Variants in GOSR1 observed in about 807,000 individuals in gnomAD.
GOSR1 encodes the protein 28 kDa Golgi SNARE protein.
Under a neutral mutation model 35.5 loss-of-function variants are expected in GOSR1, and 21 were observed. The observed-to-expected ratio is 0.59, with a 90% CI of 0.42 to 0.85. GOSR1 has a LOEUF of 0.85. Ranked by LOEUF, GOSR1 falls within the 40% of genes least tolerant of loss-of-function variation. The pLI is 0.00. For missense variants in GOSR1, 285 were observed against 309.6 expected (o/e 0.92, Z 0.60); for synonymous variants, 94 against 106.6 (o/e 0.88, Z 0.73).
intron 6 of GOSR1, 66 bp downstream of exon 6, chr17:30,492,819 C>A: frequency 1.1e-6 from 1 of 930,912 alleles, no homozygotes; most frequent in Non-Finnish European, 1.8e-6. Flanking sequence ...CTTATGTAAC[C>A]AACATTTTAT....
intron 7 of GOSR1, among the ~76,000 whole-genome samples, chr17:30,518,560 C>G (rs1179507393): frequency 1.3e-5 from 2 of 152,182 alleles, no homozygotes; most frequent in Non-Finnish European, 2.9e-5. Context: ...GATACTGACC[C>G]TGCCCTCTAG....
chr17:30,490,610 A>G (rs1458387076), intron 5 of GOSR1, among the ~76,000 whole-genome samples: 1 of 152,044 alleles, frequency 6.6e-6, no homozygotes, highest in African/African-American at 2.4e-5. Flanking sequence ...GAAGCTCCCT[A>G]TGTTTCTCTT....
intron 8 of GOSR1, among the ~76,000 whole-genome samples, chr17:30,521,201 C>G (rs1259934107): frequency 1.1e-5 from 1 of 90,134 alleles, no homozygotes; most frequent in African/African-American, 4.2e-5. Context: ...TTTTTTAAGA[C>G]AGAGTCTCAC....
At chr17:30,485,925 G>A (rs770919450) in intron 4 of GOSR1, among the ~76,000 whole-genome samples, 1 of 151,438 alleles carries the variant, frequency 6.6e-6, no homozygotes. Context: ...GTGAGGCTGA[G>A]GCAGGAGAAG....
chr17:30,494,004 T>C (rs1417954378), intron 6 of GOSR1, among the ~76,000 whole-genome samples: 1 of 152,190 alleles, frequency 6.6e-6, no homozygotes, highest in Admixed American at 6.5e-5. Context: ...TTCTATAATA[T>C]TGGCAAATTT....
chr17:30,484,818 T>G (rs1914577514), intron 4 of GOSR1, 48 bp downstream of exon 4: 1 of 890,968 alleles, frequency 1.1e-6, no homozygotes, highest in Non-Finnish European at 1.8e-6. Flanking sequence ...GAGTTTGGGT[T>G]TTTTTTTTTT....
chr17:30,510,341 T>C (rs1044616197), intron 6 of GOSR1, among the ~76,000 whole-genome samples: 1 of 151,882 alleles, frequency 6.6e-6, no homozygotes, highest in Non-Finnish European at 1.5e-5. Flanking sequence ...CCCAAAGTGC[T>C]GGGATTACCG....
At chr17:30,512,483 C>CTG (rs1328123447) in intron 7 of GOSR1, among the ~76,000 whole-genome samples, 2 of 152,146 alleles carry the variant, frequency 1.3e-5, no homozygotes, top group African/African-American at 4.8e-5. Context: ...TCCTAAATAT[C>CTG]TGTTTCTTTT....
At chr17:30,489,673 T>G (rs1251664938) in intron 4 of GOSR1, among the ~76,000 whole-genome samples, 1 of 152,236 alleles carries the variant, frequency 6.6e-6, no homozygotes, top group African/African-American at 2.4e-5. Flanking sequence ...TTAAAGATTA[T>G]TTTGTTCCTT....
rs1804173934 is a variant in GOSR1 at position 30,522,513 on chromosome 17, G to A, written c.*135G>A. On this transcript the variant is annotated 3_prime_UTR_variant, in exon 9 of 9. Coordinates refer to ENST00000451249, the MANE Select transcript of GOSR1 (RefSeq NM_001007025.2). ...GATGAATGCAAGACTGACAGTGATG[G>A]ACTCTGTGACATGGTCAGGTTGAGC... is the stretch of plus-strand genomic sequence containing the variant. The A allele has an allele frequency of 1.8e-6, 1 of 571,314 alleles. No individual in the cohort carries two copies. Among genetic ancestry groups the A allele is most frequent in the South Asian group, 4.6e-5 (1 of 21,736 alleles). The allele number at this position is 571,314 out of a possible 1,614,324, so 35.4% of individuals were successfully genotyped here.
intron 1 of GOSR1, chr17:30,479,032 T>A (rs886116950): frequency 6.6e-6 from 1 of 152,048 alleles, no homozygotes; most frequent in Non-Finnish European, 1.5e-5. Flanking sequence ...ACCCTGAAGG[T>A]AGGGGTTTAA....
intron 6 of GOSR1, among the ~76,000 whole-genome samples, chr17:30,494,948 A>G (rs1328396193): frequency 6.8e-6 from 1 of 146,912 alleles, no homozygotes; most frequent in Non-Finnish European, 1.5e-5. Context: ...TCTGTCACCC[A>G]TTGTTTCTCT....
At chr17:30,485,233 G>GA (rs1567898159) in intron 4 of GOSR1, 1 of 188,120 alleles carries the variant, frequency 5.3e-6, no homozygotes, top group Non-Finnish European at 1.1e-5. Context: ...TTAAATGGAG[G>GA]ATATGTTAAA....
intron 1 of GOSR1, chr17:30,479,211 G>A (rs747442248): frequency 2.6e-5 from 4 of 152,202 alleles, no homozygotes; most frequent in Non-Finnish European, 4.4e-5. Context: ...ATAATGTTTT[G>A]TATTCTTTTT....
chr17:30,499,585 C>A (rs1207846054), intron 6 of GOSR1, among the ~76,000 whole-genome samples: 1 of 152,226 alleles, frequency 6.6e-6, no homozygotes, highest in Non-Finnish European at 1.5e-5. Flanking sequence ...TCGTGATCCA[C>A]CCGCCTTGGC....
intron 6 of GOSR1, among the ~76,000 whole-genome samples, chr17:30,493,382 G>A (rs965278106): frequency 1.2e-4 from 18 of 152,284 alleles, no homozygotes; most frequent in Admixed American, 2.0e-4. Flanking sequence ...TAGATGAGTC[G>A]TAGAGACTGA....
intron 7 of GOSR1, among the ~76,000 whole-genome samples, chr17:30,517,201 T>C (rs1967853136): frequency 6.6e-6 from 1 of 152,222 alleles, no homozygotes; most frequent in Non-Finnish European, 1.5e-5. Flanking sequence ...TTATTAGATA[T>C]TTATATATTA....
intron 6 of GOSR1, among the ~76,000 whole-genome samples, chr17:30,508,516 A>G (rs890194192): frequency 3.3e-5 from 5 of 152,132 alleles, no homozygotes; most frequent in South Asian, 2.1e-4. Context: ...TGTCTTGTCT[A>G]TCTCCATTGT....
In GOSR1 at chr17:30,500,973, C is replaced by T. The variant is rs867447058; in HGVS notation, c.509+8220C>T. Among the ~76,000 whole-genome samples, 216 of 151,732 alleles carry T rather than the reference C, an allele frequency of 1.4e-3. 2 individuals are homozygous for T. The highest frequency in any genetic ancestry group is 4.1e-3 in the African/African-American group (171 of 41,372). ...TCGGCTCACTGCAAGCTCCGCCTCC[C>T]GGGTTCACGCCATTCTCCTGCCTCA... is the stretch of plus-strand genomic sequence containing the variant. On this transcript the variant is annotated intron_variant, in intron 6 of 8. Transcript: ENST00000451249.
Sources: allele counts gnomAD v4.1 joint callset (sites outside exome capture counted in the v4.1 genomes callset), GRCh38; gene constraint gnomAD v4.1.1; transcripts MANE v1.5; gene names NCBI Gene and HGNC (gene_info 2026-07-23, HGNC 2026-07-21).